The following TNFRSF11B variants were observed in gnomAD, a reference collection of about 807,000 sequenced individuals.
TNFRSF11B encodes TNF receptor superfamily member 11b.
In TNFRSF11B, 16 loss-of-function variants were observed where a neutral mutation model predicts 43.4. The observed-to-expected ratio is 0.37, with a 90% CI of 0.25 to 0.56. The LOEUF (loss-of-function observed/expected upper bound fraction) is 0.56. TNFRSF11B is among the 20% of genes least tolerant of loss of function. TNFRSF11B has a pLI of 0.80. For synonymous variants in TNFRSF11B, 185 were observed against 181.8 expected (o/e 1.02, Z -0.14); for missense variants, 444 against 490.1 (o/e 0.91, Z 0.89).
chr8:118,924,160 C>A lies in TNFRSF11B; in HGVS notation c.*214G>T, dbSNP rs966699151. The stretch of plus-strand genomic sequence containing the variant: ...AAGGGAAAATATAGTCAGTAGATAA[C>A]GATCCAGATCTGACAGTTGGATTAA... On this transcript the variant is annotated 3_prime_UTR_variant, in exon 5 of 5. Coordinates refer to ENST00000297350, the MANE Select transcript of TNFRSF11B (RefSeq NM_002546.4). 1.9e-6 allele frequency: 1 copy of A among 538,278 alleles called. No individual in the cohort carries two copies. The highest frequency in any genetic ancestry group is 3.3e-6 in the Non-Finnish European group (1 of 301,446). 33.3% of individuals were successfully genotyped at this position (538,278 alleles called of 1,614,324 possible).
chr8:118,944,514 T>C (rs757136583), intron 1 of TNFRSF11B, among the ~76,000 whole-genome samples: 29 of 152,144 alleles, frequency 1.9e-4, no homozygotes, highest in Non-Finnish European at 8.8e-5. Flanking sequence ...GCAGAAGAAC[T>C]GGGAACAACT....
At chr8:118,937,927 T>C (rs1430734139) in intron 1 of TNFRSF11B, among the ~76,000 whole-genome samples, 1 of 152,194 alleles carries the variant, frequency 6.6e-6, no homozygotes, top group Non-Finnish European at 1.5e-5. Flanking sequence ...GAGGAATGAA[T>C]GTTTACTTAA....
chr8:118,925,794 T>C (rs1812238115), intron 4 of TNFRSF11B, among the ~76,000 whole-genome samples: 1 of 152,214 alleles, frequency 6.6e-6, no homozygotes, highest in South Asian at 2.1e-4. Context: ...GTCGTAAAGC[T>C]TACAGTCCAC....
chr8:118,937,887 AG>A (rs1472386962), intron 1 of TNFRSF11B, among the ~76,000 whole-genome samples: 2 of 152,218 alleles, frequency 1.3e-5, no homozygotes, highest in Non-Finnish European at 2.9e-5. Flanking sequence ...ACTGTCTCTA[AG>A]AAGGGGTTTA....
intron 1 of TNFRSF11B, among the ~76,000 whole-genome samples, chr8:118,948,798 A>AG: frequency 6.6e-6 from 1 of 151,684 alleles, no homozygotes; most frequent in Middle Eastern, 3.4e-3. Context: ...CAAACAAAAA[A>AG]AAACTTAACC....
intron 1 of TNFRSF11B, among the ~76,000 whole-genome samples, chr8:118,943,665 T>C (rs996821722): frequency 1.3e-5 from 2 of 152,154 alleles, no homozygotes; most frequent in African/African-American, 4.8e-5. Flanking sequence ...AAGTGAAATA[T>C]GGTATGTAAG....
rs1812652294 is a variant in TNFRSF11B at position 118,951,822 on chromosome 8, TGTG to T, written c.-4_-2del. 6.3e-7 allele frequency: 1 copy of T among 1,590,418 alleles called. No individual in the cohort carries two copies. The highest frequency in any genetic ancestry group is 1.3e-5 in the African/African-American group (1 of 74,298). ...GCGCGCAGCACAGCAAGTTGTTCAT[TGTG>T]GTCCCCGGAAACCTCAGGGGCTTGG... On this transcript the variant is annotated 5_prime_UTR_variant, in exon 1 of 5. Transcript: ENST00000297350.
chr8:118,945,612 G>C lies in TNFRSF11B; in HGVS notation c.30+6180C>G, dbSNP rs560725950. On this transcript the variant is annotated intron_variant, in intron 1 of 4. Transcript: ENST00000297350. ...CTGAATTGTTAAATTACATTTTTTG[G>C]TGATGGTGGTGGTGGTGAAATTGAT... Among the ~76,000 whole-genome samples, 4 of 152,108 alleles carry C rather than the reference G, an allele frequency of 2.6e-5. No homozygotes were observed. In the East Asian group the frequency reaches 7.7e-4, roughly 29 times the overall value.
intron 2 of TNFRSF11B, among the ~76,000 whole-genome samples, chr8:118,929,603 A>G (rs1156620632): frequency 6.6e-6 from 1 of 152,252 alleles, no homozygotes; most frequent in African/African-American, 2.4e-5. Flanking sequence ...AACTTCAGGA[A>G]GGGTGACTGC....
chr8:118,944,773 C>T lies in TNFRSF11B; in HGVS notation c.30+7019G>A, dbSNP rs542544396. On this transcript the variant is annotated intron_variant, in intron 1 of 4. Transcript: ENST00000297350. ...ATGCTTATTCTGCCTGAAGGTTTGA[C>T]GTGTATTCCAAATAATGGTGTGCAG... Among the ~76,000 whole-genome samples, 23 of 152,170 alleles carry T rather than the reference C, an allele frequency of 1.5e-4. 1 individual carries two copies. In the South Asian group the frequency reaches 4.2e-3, roughly 27 times the overall value.
intron 1 of TNFRSF11B, among the ~76,000 whole-genome samples, chr8:118,950,989 TAA>T (rs1002926564): frequency 1.3e-5 from 2 of 152,108 alleles, no homozygotes; most frequent in African/African-American, 4.8e-5. Context: ...ATAGAGAAAA[TAA>T]GTCATTGGTC....
rs1812257991 is a variant in TNFRSF11B at position 118,927,361 on chromosome 8, ATACTAGTTCTGCCGTTC to A, written c.593-660_593-644del. Among the ~76,000 whole-genome samples, 3 of 152,322 alleles carry A rather than the reference ATACTAGTTCTGCCGTTC, an allele frequency of 2.0e-5. No individual in the cohort carries two copies. In the South Asian group the frequency reaches 6.2e-4, roughly 32 times the overall value. On this transcript the variant is annotated intron_variant, in intron 3 of 4. Transcript: ENST00000297350. ...TTGGATTCATCAGACCTGGCTTTGA[ATACTAGTTCTGCCGTTC>A]TACTACCTATATTCATCTGAAGCAA...
intron 1 of TNFRSF11B, among the ~76,000 whole-genome samples, chr8:118,951,464 G>A (rs1229804438): frequency 6.6e-6 from 1 of 152,134 alleles, no homozygotes; most frequent in African/African-American, 2.4e-5. Context: ...CTACATGAGG[G>A]CGTTAATATT....
intron 4 of TNFRSF11B, among the ~76,000 whole-genome samples, chr8:118,926,234 T>C (rs1390875593): frequency 6.6e-6 from 1 of 152,162 alleles, no homozygotes; most frequent in Non-Finnish European, 1.5e-5. Flanking sequence ...AGCCCTGCCT[T>C]CAAATGCATT....
intron 1 of TNFRSF11B, among the ~76,000 whole-genome samples, chr8:118,935,937 C>T (rs1399098918): frequency 6.6e-6 from 1 of 152,032 alleles, no homozygotes; most frequent in Admixed American, 6.6e-5. Context: ...CAGGTGTGCC[C>T]ATTTGTTCAT....
chr8:118,926,581 G>A lies in TNFRSF11B; in HGVS notation c.730C>T (p.His244Tyr). Residue 244 changes from histidine to tyrosine, a missense_variant, in exon 4 of 5, where the codon CAC (histidine) becomes TAC (tyrosine). Coordinates refer to ENST00000297350, the MANE Select transcript of TNFRSF11B (RefSeq NM_002546.4). ...AESVERIKRQ[H>Y]SSQEQTFQLL... Reference sequence around the variant, plus strand: ...TGGAAAGTCTGTTCTTGTGAGCTGTGTTGCCGTTTTATCCTCTCTACACTC... The same window carrying A: ...TGGAAAGTCTGTTCTTGTGAGCTGTATTGCCGTTTTATCCTCTCTACACTC... 1 of 1,614,048 alleles carries A rather than the reference G, an allele frequency of 6.2e-7. No individual in the cohort carries two copies. The highest frequency in any genetic ancestry group is 8.5e-7 in the Non-Finnish European group (1 of 1,179,996).
intron 1 of TNFRSF11B, among the ~76,000 whole-genome samples, chr8:118,935,622 A>C (rs1047261589): frequency 1.3e-5 from 2 of 152,206 alleles, no homozygotes; most frequent in Admixed American, 1.3e-4. Flanking sequence ...TATATGATAC[A>C]TAATTCAGGG....
At chr8:118,931,023 G>A (rs1812320951) in intron 2 of TNFRSF11B, among the ~76,000 whole-genome samples, 1 of 152,110 alleles carries the variant, frequency 6.6e-6, no homozygotes, top group Non-Finnish European at 1.5e-5. Flanking sequence ...TAACCTGCCA[G>A]GCAAAATGTG....
chr8:118,931,272 G>T (rs1242488362), intron 2 of TNFRSF11B, among the ~76,000 whole-genome samples: 2 of 152,118 alleles, frequency 1.3e-5, no homozygotes, highest in East Asian at 1.9e-4. Context: ...CTGCTGTGTG[G>T]GTTTTTAGGG....
Sources: gnomAD v4.1 joint callset for allele counts (sites outside exome capture counted in the v4.1 genomes callset) on GRCh38, gnomAD v4.1.1 for gene constraint, MANE v1.5 for transcripts, NCBI Gene and HGNC (gene_info 2026-07-23, HGNC 2026-07-21) for gene names.